CMIP: variants seen among roughly 807,000 people sequenced by gnomAD.
The protein encoded by CMIP is C-Maf-inducing protein.
CMIP carries 13 observed loss-of-function variants against 97.3 expected under a neutral mutation model. That is an observed-to-expected ratio of 0.13 (90% CI 0.09 to 0.21). CMIP has a LOEUF of 0.21. Ranked by LOEUF, CMIP falls within the 10% of genes least tolerant of loss-of-function variation. The pLI is 1.00. For missense variants in CMIP, 847 were observed against 1,024.9 expected (o/e 0.83, Z 2.37); for synonymous variants, 538 against 436.3 (o/e 1.23, Z -2.91).
chr16:81,467,866 C>G (rs1191971828), intron 1 of CMIP, among the ~76,000 whole-genome samples: 1 of 151,248 alleles, frequency 6.6e-6, no homozygotes, highest in East Asian at 1.9e-4. Flanking sequence ...TAGGTGTGAG[C>G]CACCGTGCCT....
intron 1 of CMIP, among the ~76,000 whole-genome samples, chr16:81,483,351 G>A (rs1221765281): frequency 6.6e-6 from 1 of 152,220 alleles, no homozygotes; most frequent in African/African-American, 2.4e-5. Context: ...ATGCAAGGAG[G>A]TAAATGTGGA....
chr16:81,504,241 G>A (rs530074776), intron 1 of CMIP, among the ~76,000 whole-genome samples: 7 of 152,050 alleles, frequency 4.6e-5, no homozygotes, highest in African/African-American at 1.4e-4. Context: ...CAGGAGAATC[G>A]CTTGAACCCG....
At chr16:81,618,444 G>T (rs768695589) in intron 2 of CMIP, 1 of 152,174 alleles carries the variant, frequency 6.6e-6, no homozygotes, top group Non-Finnish European at 1.5e-5. Context: ...CCGTTGCCAC[G>T]CAGGATAACT....
At position 81,664,299 on chromosome 16, in the gene CMIP, G is replaced by T. The variant is rs1382243112; in HGVS notation, c.775G>T (p.Val259Phe). ...HCRERPRSMV[V>F]IEVFTPVVQR... Reference sequence around the variant, plus strand: ...CAGAGAGCGGCCCCGGTCCATGGTGGTCATCGAGGTGTTCACCCCCGTGGT... The same window carrying T: ...CAGAGAGCGGCCCCGGTCCATGGTGTTCATCGAGGTGTTCACCCCCGTGGT... Residue 259 changes from valine to phenylalanine, a missense_variant, in exon 7 of 21, where the codon GTC becomes TTC. By Grantham distance (50) the Val-to-Phe change is conservative. This residue lies in a region of CMIP where 285 missense variants were observed against 392.2 expected (regional missense o/e 0.73). Transcript: ENST00000537098. 6.2e-7 allele frequency: 1 copy of T among 1,603,000 alleles called. No homozygotes were observed. The highest frequency in any genetic ancestry group is 2.3e-5 in the East Asian group (1 of 44,330).
chr16:81,448,084 T>C (rs1905972819), intron 1 of CMIP, among the ~76,000 whole-genome samples: 1 of 152,240 alleles, frequency 6.6e-6, no homozygotes, highest in African/African-American at 2.4e-5. Context: ...ACAAAAACCC[T>C]TTGCAGTCCT....
chr16:81,500,888 T>G (rs553681094), intron 1 of CMIP, among the ~76,000 whole-genome samples: 1 of 152,310 alleles, frequency 6.6e-6, no homozygotes, highest in African/African-American at 2.4e-5. Context: ...CCAAGCCTTG[T>G]GCATCTGCGT....
intron 1 of CMIP, among the ~76,000 whole-genome samples, chr16:81,540,640 T>TGAG (rs1363793105): frequency 1.1e-5 from 1 of 88,606 alleles, no homozygotes; most frequent in African/African-American, 4.6e-5. Context: ...GTGTCTTGTT[T>TGAG]TGAGTGTGTG....
At chr16:81,700,190 A>G (rs1349397949) in intron 15 of CMIP, among the ~76,000 whole-genome samples, 3 of 152,102 alleles carry the variant, frequency 2.0e-5, no homozygotes, top group East Asian at 3.9e-4. Flanking sequence ...AGGTTGGGTT[A>G]GCCCCAAGGC....
At chr16:81,561,460 T>C (rs1407212602) in intron 1 of CMIP, among the ~76,000 whole-genome samples, 1 of 152,024 alleles carries the variant, frequency 6.6e-6, no homozygotes, top group Non-Finnish European at 1.5e-5. Context: ...AGGCACAGTA[T>C]GTGCAGAGGG....
intron 1 of CMIP, among the ~76,000 whole-genome samples, chr16:81,592,690 C>T (rs986703581): frequency 2.0e-5 from 3 of 152,312 alleles, no homozygotes; most frequent in South Asian, 2.1e-4. Context: ...CGGCTGTGAC[C>T]GAGGCCCACT....
chr16:81,708,842 G>C (rs1908444252), intron 20 of CMIP, among the ~76,000 whole-genome samples: 1 of 152,254 alleles, frequency 6.6e-6, no homozygotes, highest in South Asian at 2.1e-4. Context: ...GAGCCATTGA[G>C]GGTTGTTGAG....
intron 1 of CMIP, among the ~76,000 whole-genome samples, chr16:81,454,928 G>C (rs1485752295): frequency 2.6e-5 from 4 of 152,200 alleles, no homozygotes; most frequent in Non-Finnish European, 5.9e-5. Flanking sequence ...TGAGCAGAGG[G>C]AACAGTGAGC....
chr16:81,554,385 G>A (rs562922881), intron 1 of CMIP, among the ~76,000 whole-genome samples: 1 of 152,302 alleles, frequency 6.6e-6, no homozygotes, highest in South Asian at 2.1e-4. Flanking sequence ...AGAGAGTTGG[G>A]CAGGAGATTC....
chr16:81,649,222 C>T (rs1010183103), intron 3 of CMIP, among the ~76,000 whole-genome samples: 4 of 152,244 alleles, frequency 2.6e-5, no homozygotes, highest in Non-Finnish European at 4.4e-5. Context: ...GATCTTCTGG[C>T]TCTGAATACA....
In CMIP at chr16:81,674,367, G is replaced by A. The variant is rs150798819; in HGVS notation, c.1034+2297G>A. On this transcript the variant is annotated intron_variant, in intron 9 of 20. Transcript: ENST00000537098. ...AGGATGGTCTTGATCTCCTGACCTC[G>A]TGATCCACCCACCTTGGCCTCCCAA... is the stretch of plus-strand genomic sequence containing the variant. Among the ~76,000 whole-genome samples, 241 of 152,250 alleles carry A rather than the reference G, an allele frequency of 1.6e-3. 2 individuals carry two copies. The highest frequency in any genetic ancestry group is 5.7e-3 in the African/African-American group (236 of 41,558).
chr16:81,561,556 G>T (rs1220633377), intron 1 of CMIP, among the ~76,000 whole-genome samples: 9 of 152,158 alleles, frequency 5.9e-5, no homozygotes, highest in African/African-American at 1.7e-4. Flanking sequence ...GAAGAGGGTG[G>T]CAGGGGCTGG....
At position 81,705,508 on chromosome 16, in the gene CMIP, G is replaced by A. The variant is rs1345818630; in HGVS notation, c.2101G>A (p.Ala701Thr). The change falls in exon 19 of 21, where the codon GCT becomes ACT. Residue 701 changes from alanine to threonine, a missense_variant. Ala to Thr is a moderately conservative substitution (Grantham distance 58, BLOSUM62 0). This residue lies in a region of CMIP where 266 missense variants were observed against 384.2 expected (regional missense o/e 0.69). Transcript: ENST00000537098. ...LNLWSTQFGD[A>T]GLRLLSEHLT... is the part of the protein sequence containing the mutation. The stretch of plus-strand genomic sequence containing the variant: ...TTTCTGTGCTCTACAGTTTGGAGAC[G>A]CTGGCCTTCGGCTCCTGTCGGAACA... 16 of 1,602,648 alleles carry A rather than the reference G, an allele frequency of 1.0e-5. No individual in the cohort carries two copies. The highest frequency in any genetic ancestry group is 1.7e-5 in the Admixed American group (1 of 58,734).
chr16:81,496,709 A>G (rs917354214), intron 1 of CMIP, among the ~76,000 whole-genome samples: 1 of 152,228 alleles, frequency 6.6e-6, no homozygotes, highest in African/African-American at 2.4e-5. Context: ...ACACCATCCC[A>G]GTAGAGGCGG....
chr16:81,463,411 G>C (rs149599995), intron 1 of CMIP, among the ~76,000 whole-genome samples: 469 of 152,214 alleles, frequency 3.1e-3, no homozygotes, highest in African/African-American at 0.011. Context: ...ATGTTCTAAA[G>C]CCAAAAAAAG....
Sources: gnomAD v4.1 joint callset for allele counts (sites outside exome capture counted in the v4.1 genomes callset) on GRCh38, gnomAD v4.1.1 for gene constraint, gnomAD v4.1.1 regional missense constraint, MANE v1.5 for transcripts, NCBI Gene and HGNC (gene_info 2026-07-23, HGNC 2026-07-21) for gene names.